EVL: variants seen among roughly 807,000 people sequenced by gnomAD.
EVL encodes the protein Enah/Vasp-like.
In EVL, 21 loss-of-function variants were observed where a neutral mutation model predicts 59.6. That is an observed-to-expected ratio of 0.35 (90% CI 0.25 to 0.51). The LOEUF (loss-of-function observed/expected upper bound fraction) is 0.51, where lower values mean the gene tolerates loss of function less well. Ranked by LOEUF, EVL falls within the 20% of genes least tolerant of loss-of-function variation. The pLI, the probability that EVL is intolerant of heterozygous loss-of-function variation, is 0.97. For synonymous variants in EVL, 198 were observed against 203.5 expected (o/e 0.97, Z 0.23); for missense variants, 462 against 546.6 (o/e 0.85, Z 1.54).
At chr14:100,124,855 C>T (rs1276523784) in intron 4 of EVL, among the ~76,000 whole-genome samples, 1 of 152,208 alleles carries the variant, frequency 6.6e-6, no homozygotes, top group Non-Finnish European at 1.5e-5. Flanking sequence ...ATGGGCATAC[C>T]GCCTGGCGGT....
At chr14:100,060,923 C>T (rs188659903), upstream of EVL, among the ~76,000 whole-genome samples, 5 of 147,740 alleles carry the variant, frequency 3.4e-5, no homozygotes, top group Non-Finnish European at 5.9e-5. Context: ...TCTCAGAAAC[C>T]ATGGAGGCCA....
At chr14:100,000,340 C>CTTTTTTTTTTTTTTTTTTTTTTTTTT (rs60864913) in intron 1 of EVL, among the ~76,000 whole-genome samples, 1 of 99,848 alleles carries the variant, frequency 1.0e-5, no homozygotes, top group African/African-American at 3.8e-5. Flanking sequence ...CTGTTGCATT[C>CTTTTTTTTTTTTTTTTTTTTTTTTTT]TTTTTTTTTT....
chr14:100,012,166 G>A (rs995095605), intron 1 of EVL, among the ~76,000 whole-genome samples: 15 of 152,138 alleles, frequency 9.9e-5, no homozygotes, highest in African/African-American at 3.6e-4. Context: ...AAAAAATCTA[G>A]TAACACTAAA....
At chr14:100,107,345 T>C (rs1595189492) in intron 3 of EVL, 1 of 398,580 alleles carries the variant, frequency 2.5e-6, no homozygotes, top group East Asian at 3.6e-5. Context: ...AAGCCTCTGC[T>C]GGTGTAGAAG....
At chr14:100,023,039 C>T (rs2061152196) in intron 1 of EVL, among the ~76,000 whole-genome samples, 1 of 152,054 alleles carries the variant, frequency 6.6e-6, no homozygotes, top group African/African-American at 2.4e-5. Context: ...CTGGGTCCCA[C>T]GCCTAGAGAG....
At chr14:100,143,203 G>T (rs1037070966) in intron 13 of EVL, among the ~76,000 whole-genome samples, 16 of 152,102 alleles carry the variant, frequency 1.1e-4, no homozygotes, top group African/African-American at 3.9e-4. Flanking sequence ...CTCTCCTGAG[G>T]AGTGAGCAGA....
intron 3 of EVL, among the ~76,000 whole-genome samples, chr14:100,111,658 A>G (rs533938434): frequency 3.3e-5 from 5 of 152,326 alleles, no homozygotes; most frequent in Admixed American, 1.3e-4. Flanking sequence ...GCCACCACCC[A>G]GAGCTAAGCC....
chr14:100,138,143 G>A (rs1461460682), intron 11 of EVL: 8 of 411,780 alleles, frequency 1.9e-5, no homozygotes, highest in Non-Finnish European at 3.1e-5. Flanking sequence ...CCCACAAAGT[G>A]AGGTCTGTTA....
intron 3 of EVL, among the ~76,000 whole-genome samples, chr14:100,099,179 C>CAAAAA (rs57154685): frequency 9.8e-5 from 5 of 51,182 alleles, no homozygotes; most frequent in Admixed American, 2.2e-4. Flanking sequence ...CCTGTCTCTA[C>CAAAAA]AAAAAAAAAA....
chr14:99,997,253 T>C (rs1249658890), intron 1 of EVL, among the ~76,000 whole-genome samples: 2 of 152,242 alleles, frequency 1.3e-5, no homozygotes, highest in East Asian at 1.9e-4. Context: ...CAGCTTCTCA[T>C]TGAGAATTCC....
intron 10 of EVL, 44 bp downstream of exon 10, chr14:100,137,688 A>G (rs766759768): frequency 6.2e-7 from 1 of 1,613,992 alleles, no homozygotes; most frequent in South Asian, 1.1e-5. Flanking sequence ...CTGGTGGGGC[A>G]GAGGCGGGCG....
intron 1 of EVL, among the ~76,000 whole-genome samples, chr14:100,083,327 G>A (rs1014741481): frequency 6.6e-6 from 1 of 152,030 alleles, no homozygotes; most frequent in Non-Finnish European, 1.5e-5. Context: ...GGATAGAACT[G>A]TGATTTGACC....
At chr14:100,054,304 T>C (rs757294167) in intron 1 of EVL, among the ~76,000 whole-genome samples, 4 of 151,352 alleles carry the variant, frequency 2.6e-5, no homozygotes, top group Non-Finnish European at 5.9e-5. Context: ...CTGCCCACTT[T>C]GGCCTCCCAA....
intron 1 of EVL, among the ~76,000 whole-genome samples, chr14:100,052,547 G>A (rs2061663246): frequency 6.6e-6 from 1 of 151,962 alleles, no homozygotes. Flanking sequence ...AGCCCAGGAG[G>A]TCAAGACCAG....
chr14:100,143,305 G>A (rs1010562233), intron 13 of EVL, among the ~76,000 whole-genome samples: 1 of 152,028 alleles, frequency 6.6e-6, no homozygotes, highest in South Asian at 2.1e-4. Flanking sequence ...CTATGTTGGG[G>A]GAAGGGCTCC....
At chr14:100,000,887 G>A (rs2060942158) in intron 1 of EVL, among the ~76,000 whole-genome samples, 1 of 152,186 alleles carries the variant, frequency 6.6e-6, no homozygotes, top group Admixed American at 6.5e-5. Flanking sequence ...AGAAGAAAAT[G>A]AGTCTCTGGT....
chr14:100,092,647 A>G (rs1250341853), intron 2 of EVL, among the ~76,000 whole-genome samples: 1 of 152,194 alleles, frequency 6.6e-6, no homozygotes, highest in Non-Finnish European at 1.5e-5. Context: ...AAGCAGGAGA[A>G]TCGCTTGAAC....
At chr14:100,034,826 A>G (rs898926420) in intron 1 of EVL, among the ~76,000 whole-genome samples, 2 of 152,160 alleles carry the variant, frequency 1.3e-5, no homozygotes, top group African/African-American at 4.8e-5. Flanking sequence ...ATTGGTAATT[A>G]TTGTGTTATT....
At chr14:100,006,448 CTGGGTTTTTTGTATTTTTAGTAGAG>C (rs1469123500) in intron 1 of EVL, among the ~76,000 whole-genome samples, 2 of 151,892 alleles carry the variant, frequency 1.3e-5, no homozygotes, top group Non-Finnish European at 2.9e-5. Context: ...CCACACCTGG[CTGGGTTTTTTGTATTTTTAGTAGAG>C]ATGGGGTTTC....
Sources: allele counts gnomAD v4.1 joint callset (sites outside exome capture counted in the v4.1 genomes callset), GRCh38; gene constraint gnomAD v4.1.1; transcripts MANE v1.5; gene names NCBI Gene and HGNC (gene_info 2026-07-23, HGNC 2026-07-21).